Variants in TSPAN2 observed in about 807,000 individuals in gnomAD.
The protein encoded by TSPAN2 is tetraspanin 2.
Under a neutral mutation model 33.3 loss-of-function variants are expected in TSPAN2, and 24 were observed. The observed-to-expected ratio is 0.72, with a 90% CI of 0.52 to 1.01. The LOEUF is 1.01. TSPAN2 is among the 50% of genes least tolerant of loss of function. TSPAN2 has a pLI of 0.00. For synonymous variants in TSPAN2, 114 were observed against 104.5 expected, an observed-to-expected ratio of 1.09 and a Z score of -0.56; for missense variants, 278 against 281.3, an observed-to-expected ratio of 0.99 and a Z score of 0.08.
intron 2 of TSPAN2, among the ~76,000 whole-genome samples, chr1:115,066,163 G>T (rs1469326247): frequency 6.6e-6 from 1 of 152,166 alleles, no homozygotes; most frequent in South Asian, 2.1e-4. Flanking sequence ...GGACACTTAG[G>T]TTGACTCCAT....
At chr1:115,085,761 C>A (rs931794720) in intron 1 of TSPAN2, among the ~76,000 whole-genome samples, 14 of 152,128 alleles carry the variant, frequency 9.2e-5, no homozygotes, top group Non-Finnish European at 1.5e-4. Context: ...TTATCCCACA[C>A]TTTCCCTTAA....
intron 1 of TSPAN2, among the ~76,000 whole-genome samples, chr1:115,075,116 A>C (rs1407218919): frequency 6.6e-6 from 1 of 151,800 alleles, no homozygotes; most frequent in Admixed American, 6.6e-5. Context: ...CTGTACACAA[A>C]CTCTAATTTA....
chr1:115,063,177 C>T (rs775330268), intron 2 of TSPAN2, among the ~76,000 whole-genome samples: 9 of 152,106 alleles, frequency 5.9e-5, no homozygotes, highest in Non-Finnish European at 1.0e-4. Context: ...ATGTCTTTCA[C>T]CAAAGGTCTA....
intron 7 of TSPAN2, among the ~76,000 whole-genome samples, chr1:115,052,342 T>C (rs1387294098): frequency 1.3e-5 from 2 of 152,206 alleles, no homozygotes; most frequent in Admixed American, 6.5e-5. Context: ...GTTTAGGCCA[T>C]GAATTAATCT....
chr1:115,055,404 AC>A (rs1647362051), intron 6 of TSPAN2, among the ~76,000 whole-genome samples: 2 of 128,070 alleles, frequency 1.6e-5, no homozygotes, highest in African/African-American at 2.8e-5. Context: ...ACTTACACAC[AC>A]AAACACACCT....
intron 1 of TSPAN2, among the ~76,000 whole-genome samples, chr1:115,076,602 G>A (rs1271500384): frequency 6.6e-6 from 1 of 152,204 alleles, no homozygotes; most frequent in African/African-American, 2.4e-5. Context: ...TCCAGGACCA[G>A]CGCCAATCCC....
At chr1:115,056,651 T>C (rs897156189) in intron 6 of TSPAN2, among the ~76,000 whole-genome samples, 2 of 152,194 alleles carry the variant, frequency 1.3e-5, no homozygotes, top group African/African-American at 4.8e-5. Context: ...TCGCCTCTCC[T>C]AAGTGCGTTT....
intron 1 of TSPAN2, among the ~76,000 whole-genome samples, chr1:115,077,248 AT>A (rs1648450229): frequency 6.6e-6 from 1 of 151,940 alleles, no homozygotes; most frequent in Non-Finnish European, 1.5e-5. Context: ...GACCGGTTGT[AT>A]GTGAGGTACT....
At chr1:115,061,434 G>A (rs1210204648) in intron 3 of TSPAN2, among the ~76,000 whole-genome samples, 1 of 152,150 alleles carries the variant, frequency 6.6e-6, no homozygotes, top group African/African-American at 2.4e-5. Context: ...AGCCACAAGA[G>A]GGATTTTGGT....
intron 7 of TSPAN2, 51 bp from the exon 8 acceptor site, chr1:115,050,606 T>C: frequency 3.9e-6 from 6 of 1,527,130 alleles, no homozygotes; most frequent in Non-Finnish European, 1.8e-6. Context: ...TACTGATAGG[T>C]AAAAAGTTCA....
intron 4 of TSPAN2, among the ~76,000 whole-genome samples, chr1:115,060,061 T>C (rs1647652933): frequency 6.6e-6 from 1 of 152,158 alleles, no homozygotes; most frequent in South Asian, 2.1e-4. Flanking sequence ...GCTCTGCTCT[T>C]TGAGAATGAA....
rs1348908468 is a variant in TSPAN2, at chr1:115,072,041, T to C, written c.172+864A>G. ...TGCAGATCCTAAAACAGCCAGTATATGGGGGTGCCACCTTTAATGACAATT... is the reference window on the plus strand; with the variant it reads ...TGCAGATCCTAAAACAGCCAGTATACGGGGGTGCCACCTTTAATGACAATT... On this transcript the variant is annotated intron_variant, in intron 2 of 7. Coordinates refer to ENST00000369516, the MANE Select transcript of TSPAN2 (RefSeq NM_005725.6). 2.0e-5 allele frequency among the ~76,000 whole-genome samples: 3 copies of C among 152,170 alleles called. No individual in the cohort carries two copies. In the East Asian group the frequency reaches 5.8e-4, roughly 29 times the overall value.
Position 115,062,178 on chromosome 1 carries a change from C to A in TSPAN2, c.227G>T (p.Gly76Val). ...CGACTCCCGCATGGCTCCGCAGCAC[C>A]CGAAGAACCCCACGGCCATCATCAG... ...GALMMAVGFF[G>V]CCGAMRESQC... Residue 76 changes from glycine (G) to valine (V), a missense_variant, in exon 3 of 8, where the codon GGG (glycine) becomes GTG (valine). Coordinates refer to ENST00000369516, the MANE Select transcript of TSPAN2 (RefSeq NM_005725.6). 1 of 1,602,372 alleles carries A rather than the reference C, an allele frequency of 6.2e-7. No individual in the cohort carries two copies. Among genetic ancestry groups the A allele is most frequent in the African/African-American group, 1.3e-5 (1 of 74,832 alleles).
chr1:115,086,967 G>C (rs1648859545), intron 1 of TSPAN2, among the ~76,000 whole-genome samples: 1 of 152,026 alleles, frequency 6.6e-6, no homozygotes, highest in Non-Finnish European at 1.5e-5. Context: ...GCCCAGGCTG[G>C]AGTGCAATGT....
At chr1:115,050,671 C>T in intron 7 of TSPAN2, 116 bp from the exon 8 acceptor site, 1 of 786,964 alleles carries the variant, frequency 1.3e-6, no homozygotes, top group Non-Finnish European at 2.2e-6. Flanking sequence ...CCAATAATTA[C>T]CAGTCACAAA....
At position 115,060,544 on chromosome 1, in the gene TSPAN2, G is replaced by C. The variant is rs778884805; in HGVS notation, c.271-6C>G. 5.6e-6 allele frequency: 9 copies of C among 1,609,798 alleles called. No homozygotes were observed. The highest frequency in any genetic ancestry group is 7.6e-6 in the Non-Finnish European group (9 of 1,177,412). The stretch of plus-strand genomic sequence containing the variant: ...ACCAGGAGGCAGGTAAAAAACTGTA[G>C]AGGAGAGAAAATACTAATTTCATTA... On this transcript the variant is annotated splice_region_variant and splice_polypyrimidine_tract_variant and intron_variant, in intron 3 of 7. Coordinates refer to ENST00000369516, the MANE Select transcript of TSPAN2 (RefSeq NM_005725.6).
At chr1:115,073,116 A>C in intron 1 of TSPAN2, 109 bp from the exon 2 acceptor site, 1 of 868,610 alleles carries the variant, frequency 1.2e-6, no homozygotes, top group South Asian at 1.4e-5. Context: ...TTTGGAAATC[A>C]CTTAGACCAC....
chr1:115,050,900 T>C (rs1675295528), intron 7 of TSPAN2, among the ~76,000 whole-genome samples: 1 of 152,236 alleles, frequency 6.6e-6, no homozygotes, highest in Non-Finnish European at 1.5e-5. Flanking sequence ...CTCTTTTATA[T>C]GTTTATTTTG....
chr1:115,057,288 C>T lies in TSPAN2; in HGVS notation c.516+249G>A, dbSNP rs73006285. ...ACCCAGTAATGGATTCTCCTCTCTTCTCTGGTCACCACTCCTGTAGTTGTC... is the reference window on the plus strand; with the variant it reads ...ACCCAGTAATGGATTCTCCTCTCTTTTCTGGTCACCACTCCTGTAGTTGTC... On this transcript the variant is annotated intron_variant, in intron 6 of 7. Transcript: ENST00000369516. Among the ~76,000 whole-genome samples, 997 of 152,334 alleles carry T rather than the reference C, an allele frequency of 6.5e-3. 6 individuals carry two copies. Among genetic ancestry groups the T allele is most frequent in the African/African-American group, 0.023 (939 of 41,572 alleles).
Sources: allele counts gnomAD v4.1 joint callset (sites outside exome capture counted in the v4.1 genomes callset), GRCh38; gene constraint gnomAD v4.1.1; transcripts MANE v1.5; gene names NCBI Gene and HGNC (gene_info 2026-07-23, HGNC 2026-07-21).